DENND2B: variants seen among roughly 807,000 people sequenced by gnomAD.
The protein encoded by DENND2B is DENN domain containing 2B.
A neutral mutation model predicts 116.0 loss-of-function variants in DENND2B; 32 were observed. The ratio of observed to expected loss-of-function variants is 0.28; its 90% CI spans 0.21 to 0.37. The LOEUF (loss-of-function observed/expected upper bound fraction) is 0.37. Ranked by LOEUF, DENND2B falls within the 10% of genes least tolerant of loss-of-function variation. The probability of loss-of-function intolerance (pLI) is 1.00; values close to 1 mark genes in which losing one functional copy is unlikely to be tolerated. For synonymous variants in DENND2B, 588 were observed against 583.9 expected (o/e 1.01, Z -0.10); for missense variants, 1,276 against 1,477.7 (o/e 0.86, Z 2.24).
upstream of DENND2B, among the ~76,000 whole-genome samples, chr11:8,812,427 G>A (rs1424802881): frequency 2.6e-5 from 4 of 152,068 alleles, no homozygotes; most frequent in East Asian, 1.9e-4. Flanking sequence ...ATCTTGGCTC[G>A]TCTGTTCAAC....
intron 1 of DENND2B, chr11:8,871,239 G>C (rs1019871758): frequency 6.7e-6 from 1 of 149,198 alleles, no homozygotes; most frequent in Non-Finnish European, 1.5e-5. Flanking sequence ...GCCGCGCCGA[G>C]AGTGTGCGAG....
intron 4 of DENND2B, among the ~76,000 whole-genome samples, chr11:8,837,799 A>G (rs2134605031): frequency 6.6e-6 from 1 of 152,376 alleles, no homozygotes; most frequent in African/African-American, 2.4e-5. Context: ...TGGACATGTT[A>G]GCAAACATCG....
At chr11:8,891,315 C>T (rs544349902) in intron 1 of DENND2B, among the ~76,000 whole-genome samples, 52 of 152,200 alleles carry the variant, frequency 3.4e-4, no homozygotes, top group Admixed American at 1.0e-3. Context: ...ATCAATGCTA[C>T]GAGGAAACTG....
chr11:8,718,489 C>T lies in DENND2B; in HGVS notation c.1478-597G>A, dbSNP rs528137477. The T allele has an allele frequency of 1.1e-5, 16 of 1,474,792 alleles. No homozygotes were observed. The East Asian group carries it at 1.7e-4, about 16-fold the overall frequency. 91.4% of individuals were successfully genotyped at this position (1,474,792 alleles called of 1,614,324 possible). The stretch of plus-strand genomic sequence containing the variant: ...TTTGTGTTGTTCACTGAGGCAACCT[C>T]GGAACGGAACAGTGATTAGCAAGGA... On this transcript the variant is annotated intron_variant, in intron 4 of 19. Transcript: ENST00000313726.
intron 4 of DENND2B, among the ~76,000 whole-genome samples, chr11:8,823,888 ATTC>A (rs1480388492): frequency 1.4e-4 from 21 of 145,206 alleles, no homozygotes; most frequent in African/African-American, 4.5e-4. Context: ...GCCACTGCTC[ATTC>A]TTCTTCTTCT....
At chr11:8,757,738 T>C (rs957325480) in intron 1 of DENND2B, among the ~76,000 whole-genome samples, 2 of 152,156 alleles carry the variant, frequency 1.3e-5, no homozygotes, top group African/African-American at 4.8e-5. Flanking sequence ...GAAACCAAGA[T>C]AGAGAGCAGT....
At chr11:8,850,090 G>C (rs776029859) in intron 3 of DENND2B, among the ~76,000 whole-genome samples, 3 of 152,090 alleles carry the variant, frequency 2.0e-5, no homozygotes, top group Admixed American at 6.5e-5. Flanking sequence ...AGCTGTGATC[G>C]TGCCACCTCA....
At chr11:8,770,101 T>C (rs941594133) in intron 1 of DENND2B, among the ~76,000 whole-genome samples, 3 of 152,228 alleles carry the variant, frequency 2.0e-5, no homozygotes, top group African/African-American at 7.2e-5. Context: ...CTGTGGCCCA[T>C]GCTCAGAGCA....
chr11:8,840,822 T>C (rs2062598002), intron 3 of DENND2B, among the ~76,000 whole-genome samples: 1 of 152,178 alleles, frequency 6.6e-6, no homozygotes, highest in Non-Finnish European at 1.5e-5. Flanking sequence ...TCCTGCTTTC[T>C]TCCTGGCCTG....
chr11:8,739,259 A>G (rs772099852), intron 2 of DENND2B, among the ~76,000 whole-genome samples: 2 of 152,166 alleles, frequency 1.3e-5, no homozygotes, highest in Non-Finnish European at 2.9e-5. Flanking sequence ...GGTGCAGCCC[A>G]GTATCGCCGT....
chr11:8,848,667 T>C (rs1204524280), intron 3 of DENND2B, among the ~76,000 whole-genome samples: 1 of 152,182 alleles, frequency 6.6e-6, no homozygotes, highest in African/African-American at 2.4e-5. Context: ...AAGATAAAAT[T>C]GGCAAAATGT....
intron 3 of DENND2B, among the ~76,000 whole-genome samples, chr11:8,856,057 A>C (rs1229081967): frequency 6.6e-6 from 1 of 152,234 alleles, no homozygotes; most frequent in Non-Finnish European, 1.5e-5. Flanking sequence ...CACAAACATA[A>C]GTGAACAGGC....
At chr11:8,720,674 C>G (rs1038080839) in intron 4 of DENND2B, among the ~76,000 whole-genome samples, 51 of 152,210 alleles carry the variant, frequency 3.4e-4, no homozygotes, top group Non-Finnish European at 1.3e-4. Context: ...CTGGACCATT[C>G]CTGACTGCCC....
At chr11:8,711,418 G>A (rs118142343) in intron 9 of DENND2B, among the ~76,000 whole-genome samples, 187 bp from the exon 10 acceptor site, 2,655 of 152,192 alleles carry the variant, frequency 0.017, 33 homozygotes, top group Middle Eastern at 0.051. Context: ...AAATGCCAGC[G>A]GAGTGCTTTC....
chr11:8,771,303 G>A (rs1323704380), intron 1 of DENND2B, among the ~76,000 whole-genome samples: 1 of 152,044 alleles, frequency 6.6e-6, no homozygotes, highest in African/African-American at 2.4e-5. Context: ...TCCACGCTAT[G>A]GGGAACAGTA....
intron 1 of DENND2B, among the ~76,000 whole-genome samples, chr11:8,762,007 T>C (rs1470660322): frequency 6.6e-6 from 1 of 152,100 alleles, no homozygotes; most frequent in Non-Finnish European, 1.5e-5. Flanking sequence ...ACCTCCTCCC[T>C]CATCCTCACT....
chr11:8,742,581 T>C (rs900965480), intron 2 of DENND2B, among the ~76,000 whole-genome samples: 1 of 152,224 alleles, frequency 6.6e-6, no homozygotes, highest in African/African-American at 2.4e-5. Flanking sequence ...TAAGGAGATT[T>C]GCAGGCAAAG....
intron 2 of DENND2B, among the ~76,000 whole-genome samples, chr11:8,878,432 C>G (rs2063867709): frequency 6.6e-6 from 1 of 151,630 alleles, no homozygotes. Context: ...CTCAGTCGTC[C>G]AGGCTGGAGT....
chr11:8,905,507 A>C (rs1253137623), intron 1 of DENND2B, among the ~76,000 whole-genome samples: 3 of 152,228 alleles, frequency 2.0e-5, no homozygotes. Flanking sequence ...GATTTCTTAG[A>C]TATAACACCA....
Sources: allele counts gnomAD v4.1 joint callset (sites outside exome capture counted in the v4.1 genomes callset), GRCh38; gene constraint gnomAD v4.1.1; transcripts MANE v1.5; gene names NCBI Gene and HGNC (gene_info 2026-07-23, HGNC 2026-07-21).